Variants in SRGAP3 observed in about 807,000 individuals in gnomAD.
The protein encoded by SRGAP3 is SLIT-ROBO Rho GTPase-activating protein 3.
In SRGAP3, 39 loss-of-function variants were observed where a neutral mutation model predicts 121.1. That is an observed-to-expected ratio of 0.32 (90% confidence interval 0.25 to 0.42). The LOEUF (loss-of-function observed/expected upper bound fraction) is 0.42. Among genes scored for constraint, SRGAP3 ranks in the 10% least tolerant of loss-of-function variants. The probability of loss-of-function intolerance (pLI) is 1.00; values close to 1 mark genes in which losing one functional copy is unlikely to be tolerated. For missense variants in SRGAP3, 1,213 were observed against 1,470.6 expected, an observed-to-expected ratio of 0.82 and a Z score of 2.86; for synonymous variants, 601 against 570.0, an observed-to-expected ratio of 1.05 and a Z score of -0.77.
chr3:9,319,492 G>C (rs1413446046), intron 3 of SRGAP3, among the ~76,000 whole-genome samples: 1 of 151,882 alleles, frequency 6.6e-6, no homozygotes, highest in Non-Finnish European at 1.5e-5. Context: ...GTAACAGGCA[G>C]AGGAAAAAAA....
chr3:9,244,320 T>C (rs548796256), intron 1 of SRGAP3, among the ~76,000 whole-genome samples: 4 of 152,312 alleles, frequency 2.6e-5, no homozygotes, highest in African/African-American at 7.2e-5. Flanking sequence ...AATCAACTTT[T>C]GTTGAATTAG....
chr3:9,072,214 A>C (rs1007052897), intron 4 of SRGAP3, among the ~76,000 whole-genome samples: 7 of 152,134 alleles, frequency 4.6e-5, no homozygotes, highest in African/African-American at 1.7e-4. Flanking sequence ...CACCGCGCTA[A>C]GTGCTGCTCC....
chr3:9,128,506 CA>C (rs1390409272), intron 1 of SRGAP3, among the ~76,000 whole-genome samples: 1 of 152,172 alleles, frequency 6.6e-6, no homozygotes, highest in African/African-American at 2.4e-5. Flanking sequence ...CAGTGTAAAA[CA>C]TTTGACTTGT....
intron 3 of SRGAP3, among the ~76,000 whole-genome samples, chr3:9,301,417 C>A (rs1489439367): frequency 6.6e-6 from 1 of 152,236 alleles, no homozygotes; most frequent in East Asian, 1.9e-4. Flanking sequence ...CCCTTAAAGG[C>A]TCCATGGCTA....
intron 1 of SRGAP3, among the ~76,000 whole-genome samples, chr3:9,150,345 T>A (rs1575148946): frequency 2.0e-5 from 3 of 148,146 alleles, no homozygotes; most frequent in Admixed American, 2.0e-4. Context: ...AGTAAGAAGG[T>A]GGGAGAGGAA....
In SRGAP3 at chr3:9,139,413, G is replaced by GA. The variant is rs567035290; in HGVS notation, c.68-14497dup. On this transcript the variant is annotated intron_variant, in intron 1 of 21. Coordinates refer to ENST00000383836, the MANE Select transcript of SRGAP3 (RefSeq NM_014850.4). ...AAGTGTCCTTACAGGAGAGAGAGGGGAAAAAAAAGAAGATTTGTCACAGAA... is the reference window on the plus strand; with the variant it reads ...AAGTGTCCTTACAGGAGAGAGAGGGGAAAAAAAAAGAAGATTTGTCACAGAA... Among the ~76,000 whole-genome samples, 11 of 152,008 alleles carry GA rather than the reference G, an allele frequency of 7.2e-5. No homozygotes were observed. The South Asian group carries it at 2.3e-3, about 32-fold the overall frequency.
intron 1 of SRGAP3, among the ~76,000 whole-genome samples, chr3:9,210,816 C>A (rs981234961): frequency 2.0e-5 from 3 of 151,960 alleles, no homozygotes; most frequent in African/African-American, 4.8e-5. Context: ...GGTCACAGAG[C>A]GAGACTCTGT....
chr3:9,041,824 G>C (rs1180609527), intron 10 of SRGAP3, among the ~76,000 whole-genome samples: 1 of 152,166 alleles, frequency 6.6e-6, no homozygotes, highest in East Asian at 1.9e-4. Context: ...GATGAGGCTG[G>C]GAGTGGTGAC....
rs188346658 is a variant in SRGAP3 at position 8,999,057 on chromosome 3, C to T, written c.2228-4534G>A. Among the ~76,000 whole-genome samples, 8 of 152,324 alleles carry T rather than the reference C, an allele frequency of 5.3e-5. No homozygotes were observed. The East Asian group carries it at 1.5e-3, about 29-fold the overall frequency. ...ATTGACTATATAGATATACAATGCTCTGTGTTTGATGCAATTCAACTCCTG... is the reference window on the plus strand; with the variant it reads ...ATTGACTATATAGATATACAATGCTTTGTGTTTGATGCAATTCAACTCCTG... On this transcript the variant is annotated intron_variant, in intron 18 of 21. Transcript: ENST00000383836.
In SRGAP3 at chr3:9,228,389, C is replaced by T. The variant is rs1953070812; in HGVS notation, c.67+20496G>A. On this transcript the variant is annotated intron_variant, in intron 1 of 21. Transcript: ENST00000383836. ...TGTTGTGCATCTCAAGTAAATGCAC[C>T]ACTGGCCAATGCTAGCAAATGCACA... 2.0e-5 allele frequency among the ~76,000 whole-genome samples: 3 copies of T among 152,326 alleles called. No homozygotes were observed. In the South Asian group the frequency reaches 6.2e-4, roughly 32 times the overall value.
chr3:9,170,347 CTG>C (rs1252648260), intron 1 of SRGAP3, among the ~76,000 whole-genome samples: 2 of 152,160 alleles, frequency 1.3e-5, no homozygotes, highest in African/African-American at 4.8e-5. Flanking sequence ...AATGAACTTT[CTG>C]TGTTTTTTTA....
intron 4 of SRGAP3, among the ~76,000 whole-genome samples, chr3:9,076,786 T>C (rs1946993267): frequency 1.3e-5 from 2 of 151,612 alleles, no homozygotes; most frequent in Non-Finnish European, 2.9e-5. Context: ...CTCCTATGTG[T>C]GTGCATGGTT....
At chr3:9,251,069 C>A (rs1954002406), upstream of SRGAP3, among the ~76,000 whole-genome samples, 1 of 152,146 alleles carries the variant, frequency 6.6e-6, no homozygotes, top group Non-Finnish European at 1.5e-5. Flanking sequence ...AATAGGTTAT[C>A]CATGCTAGTC....
chr3:9,200,769 T>C (rs190266490), intron 1 of SRGAP3, among the ~76,000 whole-genome samples: 38 of 152,298 alleles, frequency 2.5e-4, no homozygotes, highest in African/African-American at 7.9e-4. Context: ...GGGTGCTTGC[T>C]TCAAATGCAG....
intron 10 of SRGAP3, among the ~76,000 whole-genome samples, chr3:9,044,373 A>C (rs1945157757): frequency 6.6e-6 from 1 of 152,226 alleles, no homozygotes; most frequent in South Asian, 2.1e-4. Context: ...TCCAGAGTGG[A>C]TATGCAGGAC....
intron 1 of SRGAP3, among the ~76,000 whole-genome samples, chr3:9,198,984 G>A (rs560923330): frequency 1.1e-4 from 17 of 152,230 alleles, no homozygotes; most frequent in African/African-American, 4.1e-4. Context: ...AGCACTTCTC[G>A]CAGCGACAGC....
At chr3:9,063,680 A>G (rs186216772) in intron 5 of SRGAP3, among the ~76,000 whole-genome samples, 1 of 152,156 alleles carries the variant, frequency 6.6e-6, no homozygotes, top group African/African-American at 2.4e-5. Context: ...GAGTTTCACA[A>G]TTCTCAGCCC....
chr3:9,043,028 T>G (rs538841200), intron 10 of SRGAP3, among the ~76,000 whole-genome samples: 1 of 152,256 alleles, frequency 6.6e-6, no homozygotes, highest in South Asian at 2.1e-4. Context: ...GCAACTCCCC[T>G]AGGAAGCCTC....
At chr3:9,149,972 G>C (rs2125052451) in intron 1 of SRGAP3, among the ~76,000 whole-genome samples, 1 of 152,236 alleles carries the variant, frequency 6.6e-6, no homozygotes, top group East Asian at 1.9e-4. Context: ...CCAATACCGT[G>C]CAGGTGCTGG....
Sources: allele counts gnomAD v4.1 joint callset (sites outside exome capture counted in the v4.1 genomes callset), GRCh38; gene constraint gnomAD v4.1.1; transcripts MANE v1.5; gene names NCBI Gene and HGNC (gene_info 2026-07-23, HGNC 2026-07-21).